LRRTM4: variants seen among roughly 807,000 people sequenced by gnomAD.
LRRTM4 encodes leucine rich repeat transmembrane neuronal 4, also known as leucine-rich repeat transmembrane neuronal protein 4.
Under a neutral mutation model 47.6 loss-of-function variants are expected in LRRTM4, and 25 were observed. The observed-to-expected ratio is 0.53, with a 90% CI of 0.38 to 0.73. The LOEUF is 0.73. Ranked by LOEUF, LRRTM4 falls within the 30% of genes least tolerant of loss-of-function variation. The probability of loss-of-function intolerance (pLI) is 0.00; values close to 1 mark genes in which losing one functional copy is unlikely to be tolerated. For missense variants in LRRTM4, 638 were observed against 713.4 expected (o/e 0.89, Z 1.20); for synonymous variants, 311 against 269.5 (o/e 1.15, Z -1.51).
chr2:76,769,393 T>TA (rs1479560226), intron 3 of LRRTM4, among the ~76,000 whole-genome samples: 1 of 152,172 alleles, frequency 6.6e-6, no homozygotes, highest in Non-Finnish European at 1.5e-5. Context: ...GCTTTTGCCT[T>TA]AGTCTGTGTT....
In LRRTM4 at chr2:77,123,213, C is replaced by CAGAGAGAGAGAGAGAGAGAGAGAG. The variant is rs56149151; in HGVS notation, c.1552-374321_1552-374298dup. ...TCCTTTGTGTTCAGCTTCAGTCTCA[C>CAGAGAGAGAGAGAGAGAGAGAGAG]AGAGAGAGAGAGAGAGAGAGAGAGA... On this transcript the variant is annotated intron_variant, in intron 3 of 3. Coordinates refer to ENST00000409884, the MANE Select transcript of LRRTM4 (RefSeq NM_001134745.3). Among the ~76,000 whole-genome samples, 200 of 142,950 alleles carry CAGAGAGAGAGAGAGAGAGAGAGAG rather than the reference C, an allele frequency of 1.4e-3. 1 individual carries two copies. The highest frequency in any genetic ancestry group is 5.0e-3 in the African/African-American group (189 of 37,468). The allele number at this position is 142,950 out of a possible 152,430, so 93.8% of individuals were successfully genotyped here. A position where few individuals can be genotyped will look rare whatever the true frequency, so the allele number is the denominator to read the frequency against.
At chr2:76,860,651 A>C (rs1672286566) in intron 3 of LRRTM4, among the ~76,000 whole-genome samples, 1 of 152,070 alleles carries the variant, frequency 6.6e-6, no homozygotes, top group South Asian at 2.1e-4. Context: ...GGATTTTAAG[A>C]CTGTTCTGTT....
chr2:77,212,745 A>T (rs1005686765), intron 3 of LRRTM4, among the ~76,000 whole-genome samples: 7 of 151,844 alleles, frequency 4.6e-5, no homozygotes, highest in African/African-American at 1.7e-4. Context: ...CTGACGCAAA[A>T]CCTCTGAGGC....
At chr2:76,837,657 T>C (rs1671553891) in intron 3 of LRRTM4, among the ~76,000 whole-genome samples, 3 of 152,142 alleles carry the variant, frequency 2.0e-5, no homozygotes, top group African/African-American at 4.8e-5. Flanking sequence ...TGCAGCACTA[T>C]TCACAATAGC....
chr2:77,433,704 AG>A (rs1675477245), intron 3 of LRRTM4, among the ~76,000 whole-genome samples: 1 of 152,158 alleles, frequency 6.6e-6, no homozygotes, highest in South Asian at 2.1e-4. Flanking sequence ...ACCAAAAAGA[AG>A]GATTTCTTGG....
intron 3 of LRRTM4, among the ~76,000 whole-genome samples, chr2:77,122,280 T>C (rs551502359): frequency 1.3e-4 from 20 of 151,736 alleles, no homozygotes; most frequent in Non-Finnish European, 2.2e-4. Flanking sequence ...TCAAGTACAT[T>C]AAGAATATTT....
chr2:77,201,994 A>T (rs1558631321), intron 3 of LRRTM4, among the ~76,000 whole-genome samples: 1 of 152,132 alleles, frequency 6.6e-6, no homozygotes, highest in Non-Finnish European at 1.5e-5. Context: ...AAGAGGTGGT[A>T]ATGAGTCTAG....
chr2:77,252,175 A>C (rs1041906536), intron 3 of LRRTM4, among the ~76,000 whole-genome samples: 21 of 152,092 alleles, frequency 1.4e-4, no homozygotes, highest in Non-Finnish European at 2.6e-4. Flanking sequence ...AGAATATCTA[A>C]GACCTGAGAT....
intron 3 of LRRTM4, among the ~76,000 whole-genome samples, chr2:77,045,489 G>T (rs574530357): frequency 6.6e-6 from 1 of 151,906 alleles, no homozygotes; most frequent in Non-Finnish European, 1.5e-5. Flanking sequence ...CGGTTAGGCT[G>T]TGTCCCCACC....
chr2:76,843,908 C>CTTTTTTTTTTTT (rs538704879), intron 3 of LRRTM4, among the ~76,000 whole-genome samples: 1 of 145,374 alleles, frequency 6.9e-6, no homozygotes, highest in Non-Finnish European at 1.5e-5. Flanking sequence ...TTTCTTTTTT[C>CTTTTTTTTTTTT]ATTTTTTTTT....
rs551285511 is a variant in LRRTM4, at chr2:76,936,023, C to A, written c.1552-187107G>T. 3.3e-5 allele frequency among the ~76,000 whole-genome samples: 5 copies of A among 152,240 alleles called. No homozygotes were observed. In the South Asian group the frequency reaches 1.0e-3, roughly 32 times the overall value. On this transcript the variant is annotated intron_variant, in intron 3 of 3. Coordinates refer to ENST00000409884, the MANE Select transcript of LRRTM4 (RefSeq NM_001134745.3). ...AAATTAGTTCAACCATTGTGGAAGACAGTGTGGTGATTCCTCAAGGATCTA... is the reference window on the plus strand; with the variant it reads ...AAATTAGTTCAACCATTGTGGAAGAAAGTGTGGTGATTCCTCAAGGATCTA...
Position 76,955,859 on chromosome 2 carries a change from G to A in LRRTM4, c.1552-206943C>T, listed in dbSNP as rs1404125974. Among the ~76,000 whole-genome samples the A allele has an allele frequency of 7.2e-5, 11 of 151,740 alleles. 1 individual carries two copies. The highest frequency in any genetic ancestry group is 3.3e-4 in the Admixed American group (5 of 15,188). ...CCCAGCCTCCAAACTACGAAAAATA[G>A]TTATTAGTTAAGTCTCCCACTCTAT... On this transcript the variant is annotated intron_variant, in intron 3 of 3. Coordinates refer to ENST00000409884, the MANE Select transcript of LRRTM4 (RefSeq NM_001134745.3).
chr2:77,215,298 C>A (rs1180138275), intron 3 of LRRTM4, among the ~76,000 whole-genome samples: 3 of 152,096 alleles, frequency 2.0e-5, no homozygotes, highest in Non-Finnish European at 4.4e-5. Flanking sequence ...AGGGTAAAAG[C>A]AAGTCACACT....
intron 3 of LRRTM4, among the ~76,000 whole-genome samples, chr2:76,966,174 T>C (rs966884466): frequency 3.3e-5 from 5 of 151,124 alleles, no homozygotes; most frequent in Admixed American, 1.3e-4. Flanking sequence ...ACTTTGAACA[T>C]TGGAACATAA....
At chr2:77,211,439 G>C (rs539848726) in intron 3 of LRRTM4, among the ~76,000 whole-genome samples, 3 of 152,276 alleles carry the variant, frequency 2.0e-5, no homozygotes, top group Admixed American at 2.0e-4. Flanking sequence ...TGAGAGAACA[G>C]AGAAAGGGAA....
At chr2:77,373,561 A>C (rs1293411611) in intron 3 of LRRTM4, among the ~76,000 whole-genome samples, 10 of 151,688 alleles carry the variant, frequency 6.6e-5, no homozygotes, top group Non-Finnish European at 2.9e-5. Context: ...TAGCATAGAA[A>C]GTTTTTTGGA....
intron 3 of LRRTM4, among the ~76,000 whole-genome samples, chr2:77,321,365 T>G (rs1224144393): frequency 6.6e-6 from 1 of 152,108 alleles, no homozygotes; most frequent in East Asian, 1.9e-4. Context: ...CCTTGGTATA[T>G]AAATAAGAGT....
At chr2:77,409,750 C>T (rs1674347089) in intron 3 of LRRTM4, among the ~76,000 whole-genome samples, 1 of 152,130 alleles carries the variant, frequency 6.6e-6, no homozygotes, top group African/African-American at 2.4e-5. Context: ...TTTAGTTTTA[C>T]TGGCCTTAAG....
chr2:77,243,859 C>T (rs1181507752), intron 3 of LRRTM4, among the ~76,000 whole-genome samples: 3 of 138,286 alleles, frequency 2.2e-5, no homozygotes, highest in Non-Finnish European at 3.1e-5. Flanking sequence ...CATGCTGCTG[C>T]GCTGCACCCA....
Sources: gnomAD v4.1 joint callset for allele counts (sites outside exome capture counted in the v4.1 genomes callset) on GRCh38, gnomAD v4.1.1 for gene constraint, MANE v1.5 for transcripts, NCBI Gene and HGNC (gene_info 2026-07-23, HGNC 2026-07-21) for gene names.